The following HECTD4 variants were observed in gnomAD, a reference collection of about 807,000 sequenced individuals.
The protein encoded by HECTD4 is probable E3 ubiquitin-protein ligase HECTD4.
Under a neutral mutation model 471.5 loss-of-function variants are expected in HECTD4, and 114 were observed. The ratio of observed to expected loss-of-function variants is 0.24; its 90% CI spans 0.21 to 0.28. HECTD4 has a LOEUF of 0.28. Ranked by LOEUF, HECTD4 falls within the 10% of genes least tolerant of loss-of-function variation. HECTD4 has a pLI of 1.00. For missense variants in HECTD4, 3,866 were observed against 5,651.5 expected (o/e 0.68, Z 10.13); for synonymous variants, 2,012 against 2,256.0 (o/e 0.89, Z 3.07).
rs972207158 is a variant in HECTD4, at chr12:112,194,688, CAAGT to C, written c.8749+193_8749+196del. 6.6e-6 allele frequency among the ~76,000 whole-genome samples: 1 copy of C among 152,230 alleles called. No homozygotes were observed. The highest frequency in any genetic ancestry group is 1.5e-5 in the Non-Finnish European group (1 of 68,044). On this transcript the variant is annotated intron_variant, in intron 56 of 75. Coordinates refer to ENST00000682272, the MANE Select transcript of HECTD4 (RefSeq NM_001388303.1). The surrounding 1 kb of genome is among the most constrained non-coding windows in gnomAD (Gnocchi z 4.6). The stretch of plus-strand genomic sequence containing the variant: ...ATGAATGCTTAACAGAGTAATGACT[CAAGT>C]GAGTAATCCATTACATTTTTCGAAG...
chr12:112,324,025 C>CTTTCTTT (rs2035668799), intron 1 of HECTD4, among the ~76,000 whole-genome samples: 1 of 30,412 alleles, frequency 3.3e-5, no homozygotes, highest in Non-Finnish European at 4.9e-5. Flanking sequence ...TTCCTTCCTT[C>CTTTCTTT]CTTCCTTCCT....
At position 112,229,985 on chromosome 12, in the gene HECTD4, G is replaced by A. The variant is rs2033336658; in HGVS notation, c.6337-105C>T. 6 of 1,074,664 alleles carry A rather than the reference G, an allele frequency of 5.6e-6. No homozygotes were observed. In the East Asian group the frequency reaches 1.3e-4, roughly 24 times the overall value. 66.6% of individuals were successfully genotyped at this position (1,074,664 alleles called of 1,614,324 possible). A position where few individuals can be genotyped will look rare whatever the true frequency, so the allele number is the denominator to read the frequency against. Reference sequence around the variant, plus strand: ...AGTGCCTGGGTCCCATGTATTGAAGGAACTCTGGACATGTGAGGGACCAAA... The same window carrying A: ...AGTGCCTGGGTCCCATGTATTGAAGAAACTCTGGACATGTGAGGGACCAAA... On this transcript the variant is annotated intron_variant, in intron 40 of 75. Transcript: ENST00000682272.
At position 112,207,977 on chromosome 12, in the gene HECTD4, C is replaced by T. The variant is rs1377001119; in HGVS notation, c.8028G>A (p.Val2676=). The change falls in exon 52 of 76, where the codon GTG becomes GTA. Residue 2676 remains valine, a synonymous_variant. Transcript: ENST00000682272. ...GAAAAACCTTGGTCTCCCATGCTTT[C>T]ACCAGCAGGGCGTAGTGGTCCTCCT... is the stretch of plus-strand genomic sequence containing the variant. ...IPQEDHYALL[V]KAWETKVFPT... 6.2e-7 allele frequency: 1 copy of T among 1,613,550 alleles called. No individual in the cohort carries two copies. The highest frequency in any genetic ancestry group is 1.1e-5 in the South Asian group (1 of 90,930).
At chr12:112,318,698 T>C (rs961086468) in intron 2 of HECTD4, among the ~76,000 whole-genome samples, 2 of 152,184 alleles carry the variant, frequency 1.3e-5, no homozygotes, top group African/African-American at 2.4e-5. Flanking sequence ...TAAATCTAGA[T>C]ATATACTGAG....
Position 112,235,032 on chromosome 12 carries a change from G to T in HECTD4, c.5915+45C>A. ...TTACTTAGCACAGTGCCTGTGACAT[G>T]GGTGGTGCTTGAGGATGTGTAGCTA... On this transcript the variant is annotated intron_variant, in intron 37 of 75. Coordinates refer to ENST00000682272, the MANE Select transcript of HECTD4 (RefSeq NM_001388303.1). This position sits in a 1 kb window ranked among gnomAD's most constrained non-coding sequence, Gnocchi z 5.0. 2.0e-6 allele frequency: 3 copies of T among 1,519,740 alleles called. No homozygotes were observed. Among genetic ancestry groups the T allele is most frequent in the South Asian group, 2.5e-5 (2 of 81,292 alleles). The allele number at this position is 1,519,740 out of a possible 1,614,324, so 94.1% of individuals were successfully genotyped here. A position where few individuals can be genotyped will look rare whatever the true frequency, so the allele number is the denominator to read the frequency against.
At chr12:112,362,647 GGGAGCGTTATGTTAGCAA>G (rs1216762956) in intron 1 of HECTD4, among the ~76,000 whole-genome samples, 1 of 152,142 alleles carries the variant, frequency 6.6e-6, no homozygotes, top group African/African-American at 2.4e-5. Context: ...GAGGCAGGTG[GGGAGCGTTATGTTAGCAA>G]GGAGACATTT....
Position 112,192,559 on chromosome 12 carries a change from C to A in HECTD4, c.9292+1G>T. The A allele has an allele frequency of 6.4e-7, 1 of 1,555,168 alleles. No individual in the cohort carries two copies. The highest frequency in any genetic ancestry group is 8.7e-7 in the Non-Finnish European group (1 of 1,147,644). On this transcript the variant is annotated splice_donor_variant, in intron 59 of 75. Transcript: ENST00000682272. LOFTEE classifies it high-confidence loss of function. ...ATCATGACAAGCTGCTGGAGACTCA[C>A]CCAGTTTGATGTGGACCCTGTCTGT...
At position 112,212,581 on chromosome 12, in the gene HECTD4, C is replaced by T; in HGVS notation, c.7535G>A (p.Gly2512Asp). 1 of 1,613,894 alleles carries T rather than the reference C, an allele frequency of 6.2e-7. No individual in the cohort carries two copies. Among genetic ancestry groups the T allele is most frequent in the South Asian group, 1.1e-5 (1 of 91,054 alleles). The stretch of plus-strand genomic sequence containing the variant: ...CCCGCAGTATGTGAAGTACACCCGG[C>T]CCTTGGCTGGCTGTCCCGGAGGAGG... Reference protein sequence around the residue: ...TPPPPGQPAKGRVYFTYCGQR... With the variant: ...TPPPPGQPAKDRVYFTYCGQR... Residue 2512 changes from glycine to aspartate, a missense_variant, in exon 49 of 76, where the codon GGC becomes GAC. Coordinates refer to ENST00000682272, the MANE Select transcript of HECTD4 (RefSeq NM_001388303.1).
At chr12:112,299,818 A>G (rs1594024072) in intron 7 of HECTD4, among the ~76,000 whole-genome samples, 1 of 152,338 alleles carries the variant, frequency 6.6e-6, no homozygotes, top group South Asian at 2.1e-4. Context: ...TTCCTCCTCA[A>G]CTTTTTATTT....
chr12:112,284,685 C>T (rs910308681), intron 7 of HECTD4, among the ~76,000 whole-genome samples: 8 of 152,202 alleles, frequency 5.3e-5, no homozygotes, highest in South Asian at 2.1e-4. Context: ...TCTAATGAGT[C>T]GGCAATCTCA....
intron 41 of HECTD4, 101 bp downstream of exon 41, chr12:112,229,597 A>C: frequency 1.1e-4 from 123 of 1,134,454 alleles, no homozygotes; most frequent in Middle Eastern, 2.2e-4. Context: ...GTTTTTTTGT[A>C]CAGCTGGTTG....
At chr12:112,260,290 TC>T (rs2034113598) in intron 18 of HECTD4, among the ~76,000 whole-genome samples, 1 of 152,174 alleles carries the variant, frequency 6.6e-6, no homozygotes, top group Non-Finnish European at 1.5e-5. Context: ...TTATGTAAAT[TC>T]CTTAAGGCTA....
rs16942009 is a variant in HECTD4, at chr12:112,317,315, A to C, written c.695+1910T>G. Reference sequence around the variant, plus strand: ...AACTAGGCTATGACAGCTTGCTCAGAGCAAAGAAACTTACAATAAACACTG... The same window carrying C: ...AACTAGGCTATGACAGCTTGCTCAGCGCAAAGAAACTTACAATAAACACTG... On this transcript the variant is annotated intron_variant, in intron 2 of 75. Transcript: ENST00000682272. Among the ~76,000 whole-genome samples, 8,433 of 152,280 alleles carry C rather than the reference A, an allele frequency of 0.055. 1,288 individuals carry two copies. The East Asian group carries it at 0.61, about 11-fold the overall frequency.
intron 54 of HECTD4, 113 bp downstream of exon 54, chr12:112,203,523 G>C: frequency 1.1e-6 from 1 of 894,366 alleles, no homozygotes; most frequent in South Asian, 2.0e-5. Flanking sequence ...CTTCGTCCCT[G>C]ATTTGAAGAG....
chr12:112,226,221 T>C (rs200294495), intron 44 of HECTD4, among the ~76,000 whole-genome samples: 1 of 151,118 alleles, frequency 6.6e-6, no homozygotes, highest in South Asian at 2.1e-4. Flanking sequence ...ACACACACAC[T>C]CACACACACA....
intron 1 of HECTD4, among the ~76,000 whole-genome samples, chr12:112,363,158 T>C (rs1289938044): frequency 6.6e-6 from 1 of 152,184 alleles, no homozygotes. Flanking sequence ...TTAAAACTTC[T>C]GTAACAGTTC....
At chr12:112,247,611 T>G (rs974675280) in intron 27 of HECTD4, 61 bp from the exon 28 acceptor site, 32 of 696,604 alleles carry the variant, frequency 4.6e-5, no homozygotes, top group Non-Finnish European at 6.9e-5. Flanking sequence ...ATACATATAT[T>G]AAAATGAACA....
chr12:112,216,437 A>C, intron 47 of HECTD4, 66 bp from the exon 48 acceptor site: 26 of 1,077,094 alleles, frequency 2.4e-5, no homozygotes, highest in Middle Eastern at 2.0e-4. Flanking sequence ...CAACACACAA[A>C]CAGGGAAGTG....
intron 1 of HECTD4, among the ~76,000 whole-genome samples, chr12:112,352,962 G>T (rs1371582047): frequency 3.3e-5 from 5 of 152,178 alleles, no homozygotes; most frequent in Admixed American, 2.6e-4. Flanking sequence ...ATGAGACCTT[G>T]TCTGTAATGA....
Sources: gnomAD v4.1 joint callset for allele counts (sites outside exome capture counted in the v4.1 genomes callset) on GRCh38, gnomAD v4.1.1 for gene constraint, Gnocchi (gnomAD v3.1) non-coding constraint, MANE v1.5 for transcripts, NCBI Gene and HGNC (gene_info 2026-07-23, HGNC 2026-07-21) for gene names.